Variants in COL4A3 observed in about 807,000 individuals in gnomAD.
The protein encoded by COL4A3 is collagen alpha-3(IV) chain.
COL4A3 carries 135 observed loss-of-function variants against 217.4 expected under a neutral mutation model. The observed-to-expected ratio is 0.62, with a 90% confidence interval of 0.54 to 0.72. COL4A3 has a LOEUF of 0.72. Ranked by LOEUF, COL4A3 falls within the 30% of genes least tolerant of loss-of-function variation. COL4A3 has a pLI of 0.00. For synonymous variants in COL4A3, 690 were observed against 736.3 expected, an observed-to-expected ratio of 0.94 and a Z score of 1.02; for missense variants, 1,868 against 2,119.9, an observed-to-expected ratio of 0.88 and a Z score of 2.33.
At chr2:227,299,041 C>A (rs1294824172) in intron 43 of COL4A3, among the ~76,000 whole-genome samples, 1 of 152,096 alleles carries the variant, frequency 6.6e-6, no homozygotes, top group Non-Finnish European at 1.5e-5. Context: ...GCAGAAGGCA[C>A]CTCTTCACAC....
rs771617412 is a variant in COL4A3, at chr2:227,276,454, A to T, written c.1997A>T (p.His666Leu). The T allele has an allele frequency of 6.2e-7, 1 of 1,614,104 alleles. No individual in the cohort carries two copies. The highest frequency in any genetic ancestry group is 1.1e-5 in the South Asian group (1 of 91,082). Residue 666 changes from histidine to leucine, a missense_variant, in exon 27 of 52, where the codon CAT (histidine) becomes CTT (leucine). Physicochemically the swap from His to Leu is moderately conservative, Grantham distance 99. Coordinates refer to ENST00000396578, the MANE Select transcript of COL4A3 (RefSeq NM_000091.5). ...CCAGGACCTCCAGGGCCCCCTGGCC[A>T]TCCTGGCCCCCAAGGTCCACCTGGT... ...GPPGPPGPPG[H>L]PGPQGPPGIP...
At chr2:227,211,807 G>A (rs549117585) in intron 1 of COL4A3, among the ~76,000 whole-genome samples, 6 of 152,092 alleles carry the variant, frequency 3.9e-5, no homozygotes, top group East Asian at 3.9e-4. Flanking sequence ...ACAGGGGTGC[G>A]CCACCACGCC....
chr2:227,213,964 G>T (rs892820035), intron 1 of COL4A3, among the ~76,000 whole-genome samples: 1 of 148,794 alleles, frequency 6.7e-6, no homozygotes, highest in Non-Finnish European at 1.5e-5. Context: ...GAAAATTACA[G>T]ATCAAATATT....
At chr2:227,244,514 A>G in intron 4 of COL4A3, 150 bp downstream of exon 4, 1 of 839,010 alleles carries the variant, frequency 1.2e-6, no homozygotes. Context: ...TAGATGTCAA[A>G]GGAGTGGTTA....
intron 25 of COL4A3, among the ~76,000 whole-genome samples, chr2:227,271,461 A>ATTTTT (rs397988092): frequency 2.9e-5 from 3 of 104,694 alleles, no homozygotes; most frequent in African/African-American, 3.8e-5. Context: ...ACCTACCAAG[A>ATTTTT]TTTTTTTTTT....
At chr2:227,222,672 GA>G (rs1331183961) in intron 1 of COL4A3, 23 of 152,226 alleles carry the variant, frequency 1.5e-4, no homozygotes, top group Admixed American at 1.5e-3. Context: ...AGTCTTTCAA[GA>G]CAGGTAACTT....
intron 37 of COL4A3, among the ~76,000 whole-genome samples, chr2:227,291,381 G>A (rs994690696): frequency 1.3e-5 from 2 of 151,652 alleles, no homozygotes; most frequent in Non-Finnish European, 2.9e-5. Context: ...GGCTAACATG[G>A]TGAAACCCCG....
intron 1 of COL4A3, among the ~76,000 whole-genome samples, chr2:227,187,562 T>C (rs2066077584): frequency 6.6e-6 from 1 of 152,110 alleles, no homozygotes; most frequent in Non-Finnish European, 1.5e-5. Flanking sequence ...CCCTTAATAA[T>C]TGGATAAATA....
At position 227,267,025 on chromosome 2, in the gene COL4A3, T is replaced by C. The variant is rs758774822; in HGVS notation, c.1441T>C (p.Tyr481His). ...AGGCCTCCTGTGTACACAGTGCCCT[T>C]ATATCCCAGGGCCTCCCGGTCTCCC... ...EPGLLCTQCPYIPGPPGLPGL... is the reference protein window; with the variant it reads ...EPGLLCTQCPHIPGPPGLPGL... The change falls in exon 23 of 52, where the codon TAT (tyrosine) becomes CAT (histidine). Residue 481 changes from tyrosine (Y) to histidine (H), a missense_variant. Transcript: ENST00000396578. The C allele has an allele frequency of 1.1e-5, 17 of 1,613,910 alleles. No individual in the cohort carries two copies. The highest frequency in any genetic ancestry group is 1.4e-5 in the Non-Finnish European group (17 of 1,179,924).
intron 39 of COL4A3, 23 bp from the exon 40 acceptor site, chr2:227,294,941 T>G (rs1553763442): frequency 2.3e-5 from 34 of 1,486,932 alleles, no homozygotes; most frequent in South Asian, 2.3e-5. Flanking sequence ...TTGGGGTTTT[T>G]GGGTTTTTTT....
chr2:227,276,142 TA>T (rs1215561497), intron 26 of COL4A3, among the ~76,000 whole-genome samples: 1 of 152,204 alleles, frequency 6.6e-6, no homozygotes, highest in East Asian at 1.9e-4. Flanking sequence ...TATCTCAGAG[TA>T]AACAGGAAAC....
chr2:227,309,382 G>T, intron 50 of COL4A3, 64 bp downstream of exon 50: 1 of 1,265,976 alleles, frequency 7.9e-7, no homozygotes, highest in East Asian at 2.4e-5. Flanking sequence ...CATTGTGCTG[G>T]GTAAAATGTG....
In COL4A3 at chr2:227,282,324, C is replaced by A. The variant is rs1163636957; in HGVS notation, c.2489-41C>A. On this transcript the variant is annotated intron_variant, in intron 31 of 51. Coordinates refer to ENST00000396578, the MANE Select transcript of COL4A3 (RefSeq NM_000091.5). The surrounding 1 kb of genome is among the most constrained non-coding windows in gnomAD (Gnocchi z 4.4). ...TATTTCTGAAGTTAGTAGGGGAAAGCATTTGTGGGTTAATTAATTCATTCA... is the reference window on the plus strand; with the variant it reads ...TATTTCTGAAGTTAGTAGGGGAAAGAATTTGTGGGTTAATTAATTCATTCA... The A allele has an allele frequency of 4.1e-6, 6 of 1,449,972 alleles. No homozygotes were observed. The highest frequency in any genetic ancestry group is 5.8e-6 in the Non-Finnish European group (6 of 1,043,016). 89.8% of individuals were successfully genotyped at this position (1,449,972 alleles called of 1,614,324 possible).
intron 3 of COL4A3, among the ~76,000 whole-genome samples, chr2:227,242,176 C>T (rs577405204): frequency 2.9e-4 from 44 of 152,244 alleles, no homozygotes; most frequent in South Asian, 1.0e-3. Flanking sequence ...CCCATAATGC[C>T]GTCCAACTTG....
intron 1 of COL4A3, among the ~76,000 whole-genome samples, chr2:227,212,480 A>G (rs1303912465): frequency 2.0e-5 from 3 of 152,182 alleles, no homozygotes; most frequent in Non-Finnish European, 4.4e-5. Context: ...ATTGTTTTCT[A>G]TATGAATGAC....
At chr2:227,229,999 C>A (rs1017187364) in intron 1 of COL4A3, among the ~76,000 whole-genome samples, 1 of 150,048 alleles carries the variant, frequency 6.7e-6, no homozygotes, top group Admixed American at 6.7e-5. Flanking sequence ...TGCAGTGAGC[C>A]GAGACCGTGC....
chr2:227,186,091 G>T (rs999944565), intron 1 of COL4A3, among the ~76,000 whole-genome samples: 1 of 152,224 alleles, frequency 6.6e-6, no homozygotes, highest in Non-Finnish European at 1.5e-5. Context: ...ATAGCTGGTT[G>T]TGTGTTAGTC....
chr2:227,169,877 C>T (rs1228638491), intron 1 of COL4A3, among the ~76,000 whole-genome samples: 2 of 151,900 alleles, frequency 1.3e-5, no homozygotes, highest in Non-Finnish European at 1.5e-5. Flanking sequence ...ATTTTTTTGT[C>T]CCTCCACCAA....
intron 1 of COL4A3, among the ~76,000 whole-genome samples, chr2:227,186,187 G>T (rs910728391): frequency 6.6e-6 from 1 of 152,146 alleles, no homozygotes; most frequent in Non-Finnish European, 1.5e-5. Context: ...TTGATTTTTC[G>T]TATACTTTCA....
Sources: allele counts gnomAD v4.1 joint callset (sites outside exome capture counted in the v4.1 genomes callset), GRCh38; gene constraint gnomAD v4.1.1; non-coding constraint Gnocchi (gnomAD v3.1); transcripts MANE v1.5; gene names NCBI Gene and HGNC (gene_info 2026-07-23, HGNC 2026-07-21).